The following ADGRA1 variants were observed in gnomAD, a reference collection of about 807,000 sequenced individuals.
ADGRA1 encodes adhesion G protein-coupled receptor A1, also known as G-protein coupled receptor 123.
In ADGRA1, 12 loss-of-function variants were observed where a neutral mutation model predicts 21.3. The observed-to-expected ratio is 0.56, with a 90% CI of 0.36 to 0.91. The LOEUF (loss-of-function observed/expected upper bound fraction) is 0.91, where lower values mean the gene tolerates loss of function less well. Ranked by LOEUF, ADGRA1 falls within the 40% of genes least tolerant of loss-of-function variation. The probability of loss-of-function intolerance (pLI) is 0.01; values close to 1 mark genes in which losing one functional copy is unlikely to be tolerated. For synonymous variants in ADGRA1, 385 were observed against 368.8 expected (o/e 1.04, Z -0.50); for missense variants, 790 against 805.6 (o/e 0.98, Z 0.23).
At chr10:133,109,519 A>C (rs1851949708) in intron 5 of ADGRA1, among the ~76,000 whole-genome samples, 1 of 151,616 alleles carries the variant, frequency 6.6e-6, no homozygotes, top group Admixed American at 6.6e-5. Flanking sequence ...CCCTTTGAGC[A>C]CTGAGGGTCG....
chr10:133,117,962 G>T (rs1158829435), intron 5 of ADGRA1, among the ~76,000 whole-genome samples: 2 of 152,214 alleles, frequency 1.3e-5, no homozygotes, highest in African/African-American at 4.8e-5. Context: ...TGGGGCTGCG[G>T]CCAGTTGACT....
In ADGRA1 at chr10:133,088,782, T is replaced by C; in HGVS notation, c.-128T>C. Reference sequence around the variant, plus strand: ...CCAGGGGCCCGGGAGCGCGACCTCCTGGCCGCCGTCTGGGACTTTGACCTT... The same window carrying C: ...CCAGGGGCCCGGGAGCGCGACCTCCCGGCCGCCGTCTGGGACTTTGACCTT... On this transcript the variant is annotated 5_prime_UTR_variant, in exon 2 of 7. Transcript: ENST00000392607. The C allele has an allele frequency of 8.1e-7, 1 of 1,232,214 alleles. No homozygotes were observed. Among genetic ancestry groups the C allele is most frequent in the Non-Finnish European group, 1.0e-6 (1 of 987,806 alleles). The allele number at this position is 1,232,214 out of a possible 1,614,324, so 76.3% of individuals were successfully genotyped here.
chr10:133,114,976 T>C (rs998950899), intron 5 of ADGRA1, among the ~76,000 whole-genome samples: 3 of 152,200 alleles, frequency 2.0e-5, no homozygotes, highest in Admixed American at 2.0e-4. Flanking sequence ...AAAAATGACC[T>C]CAGTGCATCG....
chr10:133,092,964 G>T (rs762139702), intron 2 of ADGRA1: 3 of 1,584,376 alleles, frequency 1.9e-6, no homozygotes, highest in Non-Finnish European at 2.6e-6. Flanking sequence ...GCCAGTTGGA[G>T]CTGCAGACCT....
intron 5 of ADGRA1, among the ~76,000 whole-genome samples, chr10:133,124,887 C>CAGCGGCGGCGGCGAGAAA (rs1443609661): frequency 1.3e-5 from 2 of 152,230 alleles, no homozygotes; most frequent in Non-Finnish European, 2.9e-5. Context: ...GGTGACTGCC[C>CAGCGGCGGCGGCGAGAAA]AGCGGCGGCG....
Position 133,087,928 on chromosome 10 carries a change from AGGCGGC to A in ADGRA1, c.-408_-403del. On this transcript the variant is annotated 5_prime_UTR_variant, in exon 1 of 7. Transcript: ENST00000392607. ...CTGTCGCCGCGGGAGGTGCGCGCAG[AGGCGGC>A]GGCGCTGCTGGCCGGGCTGGGCCGC... 1.0e-6 allele frequency: 1 copy of A among 984,924 alleles called. No homozygotes were observed. Among genetic ancestry groups the A allele is most frequent in the Non-Finnish European group, 1.2e-6 (1 of 829,810 alleles). 61.0% of individuals were successfully genotyped at this position (984,924 alleles called of 1,614,324 possible). A position where few individuals can be genotyped will look rare whatever the true frequency, so the allele number is the denominator to read the frequency against.
At chr10:133,107,496 T>C (rs1458328488) in intron 5 of ADGRA1, among the ~76,000 whole-genome samples, 2 of 152,180 alleles carry the variant, frequency 1.3e-5, no homozygotes, top group African/African-American at 4.8e-5. Context: ...TCTATTTTAT[T>C]TGTCTCAGCT....
At chr10:133,107,138 T>C (rs1469309810) in intron 5 of ADGRA1, among the ~76,000 whole-genome samples, 1 of 152,226 alleles carries the variant, frequency 6.6e-6, no homozygotes. Flanking sequence ...TCCTTTCAGA[T>C]TGCTTATTTG....
At position 133,093,785 on chromosome 10, in the gene ADGRA1, A is replaced by C. The variant is rs1387986784; in HGVS notation, c.4-3189A>C. Among the ~76,000 whole-genome samples, 6 of 152,346 alleles carry C rather than the reference A, an allele frequency of 3.9e-5. No homozygotes were observed. The East Asian group carries it at 1.2e-3, about 29-fold the overall frequency. On this transcript the variant is annotated intron_variant, in intron 2 of 6. Coordinates refer to ENST00000392607, the MANE Select transcript of ADGRA1 (RefSeq NM_001083909.3). ...ACTTGCTGGCTCACCCCTGTCAGCC[A>C]GGCTCTGTTCAGCCACAGATCAGAC...
At chr10:133,100,271 T>C (rs1166683003) in intron 4 of ADGRA1, among the ~76,000 whole-genome samples, 1 of 152,138 alleles carries the variant, frequency 6.6e-6, no homozygotes, top group Non-Finnish European at 1.5e-5. Context: ...TCCTTAATCA[T>C]TCCTCTGGTA....
At chr10:133,111,791 ACCACCTGCCCACCACAG>A (rs1852016533) in intron 5 of ADGRA1, among the ~76,000 whole-genome samples, 1 of 146,878 alleles carries the variant, frequency 6.8e-6, no homozygotes, top group Admixed American at 6.7e-5. Context: ...ATCCCTCCAG[ACCACCTGCCCACCACAG>A]GCACCTCCCT....
At chr10:133,116,880 C>A (rs1171208911) in intron 5 of ADGRA1, among the ~76,000 whole-genome samples, 1 of 152,138 alleles carries the variant, frequency 6.6e-6, no homozygotes, top group African/African-American at 2.4e-5. Context: ...ATGAGGAACG[C>A]CAGGATAGTG....
intron 4 of ADGRA1, among the ~76,000 whole-genome samples, chr10:133,101,688 T>A (rs1424981984): frequency 3.9e-5 from 6 of 152,140 alleles, no homozygotes; most frequent in South Asian, 2.1e-4. Context: ...CGGTGCCCCA[T>A]GGTTTCCAGG....
rs773651806 is a variant in ADGRA1 at position 133,128,415 on chromosome 10, G to T, written c.587G>T (p.Gly196Val). Residue 196 changes from glycine to valine, a missense_variant, in exon 7 of 7, where the codon GGC becomes GTC. Gly to Val is a moderately radical substitution (Grantham distance 109). This residue lies in a region of ADGRA1 where 382 missense variants were observed against 415.6 expected (regional missense o/e 0.92). Coordinates refer to ENST00000392607, the MANE Select transcript of ADGRA1 (RefSeq NM_001083909.3). ...ITLVTCVYFL[G>V]TYVQLRRHPG... is the part of the protein sequence containing the mutation. ...CTGGTCACCTGTGTGTACTTCCTGG[G>T]CACCTACGTGCAGCTGCGGCGCCAC... is the stretch of plus-strand genomic sequence containing the variant. The T allele has an allele frequency of 3.1e-6, 5 of 1,606,836 alleles. No individual in the cohort carries two copies. The highest frequency in any genetic ancestry group is 3.4e-6 in the Non-Finnish European group (4 of 1,177,488).
intron 5 of ADGRA1, among the ~76,000 whole-genome samples, chr10:133,115,906 G>A (rs530113428): frequency 9.8e-4 from 149 of 152,076 alleles, no homozygotes; most frequent in Non-Finnish European, 1.7e-3. Flanking sequence ...CTGCCCCAGG[G>A]GAGAGCTGGC....
intron 2 of ADGRA1, among the ~76,000 whole-genome samples, chr10:133,096,447 T>C (rs1851690246): frequency 6.6e-6 from 1 of 152,218 alleles, no homozygotes; most frequent in Non-Finnish European, 1.5e-5. Flanking sequence ...TCCAGGTCTG[T>C]TGGTGCCGAA....
chr10:133,112,398 CGCGTCCGTT>C (rs1852055219), intron 5 of ADGRA1, among the ~76,000 whole-genome samples: 1 of 111,424 alleles, frequency 9.0e-6, no homozygotes, highest in Non-Finnish European at 1.8e-5. Flanking sequence ...GTCTACGGGC[CGCGTCCGTT>C]ATTTGGGGTC....
intron 5 of ADGRA1, among the ~76,000 whole-genome samples, chr10:133,123,714 T>TCC (rs3058111): frequency 3.5e-5 from 5 of 144,804 alleles, no homozygotes; most frequent in African/African-American, 1.0e-4. Flanking sequence ...ACTGCCTCCC[T>TCC]CCCCCCCCCC....
intron 2 of ADGRA1, chr10:133,095,778 C>G (rs754171171): frequency 6.3e-7 from 1 of 1,598,396 alleles, no homozygotes; most frequent in Admixed American, 1.7e-5. Flanking sequence ...CATCCCGACA[C>G]AGGTGACACT....
Sources: gnomAD v4.1 joint callset for allele counts (sites outside exome capture counted in the v4.1 genomes callset) on GRCh38, gnomAD v4.1.1 for gene constraint, gnomAD v4.1.1 regional missense constraint, MANE v1.5 for transcripts, NCBI Gene and HGNC (gene_info 2026-07-23, HGNC 2026-07-21) for gene names.